TMTC2: variants seen among roughly 807,000 people sequenced by gnomAD.
TMTC2 encodes transmembrane O-mannosyltransferase targeting cadherins 2.
In TMTC2, 43 loss-of-function variants were observed where a neutral mutation model predicts 82.4. The ratio of observed to expected loss-of-function variants is 0.52; its 90% confidence interval spans 0.41 to 0.67. The LOEUF is 0.67. TMTC2 is among the 30% of genes least tolerant of loss of function. The pLI is 0.00. For missense variants in TMTC2, 919 were observed against 1,012.4 expected (o/e 0.91, Z 1.25); for synonymous variants, 408 against 381.9 (o/e 1.07, Z -0.80).
intron 8 of TMTC2, among the ~76,000 whole-genome samples, chr12:83,006,046 C>T (rs147372088): frequency 4.7e-4 from 72 of 152,304 alleles, no homozygotes; most frequent in Non-Finnish European, 9.6e-4. Flanking sequence ...GCAGTCCCCC[C>T]TACCAGCTCA....
chr12:83,101,394 A>G (rs1173049760), intron 11 of TMTC2, among the ~76,000 whole-genome samples: 4 of 152,188 alleles, frequency 2.6e-5, no homozygotes, highest in African/African-American at 9.6e-5. Flanking sequence ...TACATGTCAG[A>G]AAAATCAGAA....
At chr12:82,808,099 G>C (rs1190490157) in intron 1 of TMTC2, among the ~76,000 whole-genome samples, 2 of 151,744 alleles carry the variant, frequency 1.3e-5, no homozygotes, top group Non-Finnish European at 2.9e-5. Context: ...TAAAAAAACT[G>C]TTTAAAAAAC....
chr12:82,741,031 G>C lies in TMTC2; in HGVS notation c.83+53362G>C, dbSNP rs538160179. On this transcript the variant is annotated intron_variant, in intron 1 of 11. Coordinates refer to ENST00000321196, the MANE Select transcript of TMTC2 (RefSeq NM_152588.3). ...CCTCAGCCTTTATTACCTGTCACTTGTATACCCACTATATCAACAAGGGGT... is the reference window on the plus strand; with the variant it reads ...CCTCAGCCTTTATTACCTGTCACTTCTATACCCACTATATCAACAAGGGGT... Among the ~76,000 whole-genome samples, 6 of 152,230 alleles carry C rather than the reference G, an allele frequency of 3.9e-5. No homozygotes were observed. In the South Asian group the frequency reaches 1.2e-3, roughly 32 times the overall value.
intron 11 of TMTC2, among the ~76,000 whole-genome samples, chr12:83,113,690 G>A (rs889861782): frequency 4.6e-5 from 7 of 152,196 alleles, no homozygotes; most frequent in African/African-American, 1.4e-4. Context: ...AAATTATTAT[G>A]TGTGAAGACC....
At chr12:82,756,504 C>T (rs1314216006) in intron 1 of TMTC2, among the ~76,000 whole-genome samples, 1 of 152,220 alleles carries the variant, frequency 6.6e-6, no homozygotes, top group Non-Finnish European at 1.5e-5. Flanking sequence ...GGTATTACTG[C>T]TTCCAGATTT....
At chr12:83,009,099 A>T (rs1170762388) in intron 8 of TMTC2, among the ~76,000 whole-genome samples, 1 of 152,146 alleles carries the variant, frequency 6.6e-6, no homozygotes. Context: ...ATTAGGTGAG[A>T]CAAAGTGAAT....
chr12:82,824,145 C>T (rs1236489673), intron 1 of TMTC2, among the ~76,000 whole-genome samples: 4 of 152,186 alleles, frequency 2.6e-5, no homozygotes, highest in Admixed American at 6.5e-5. Flanking sequence ...CCACCCTCCT[C>T]GGCCTCCCAA....
intron 1 of TMTC2, among the ~76,000 whole-genome samples, chr12:82,704,431 A>C (rs886610377): frequency 5.3e-5 from 8 of 152,318 alleles, no homozygotes; most frequent in African/African-American, 1.9e-4. Flanking sequence ...ATAAAAGTAG[A>C]GTAAATACAT....
intron 9 of TMTC2, among the ~76,000 whole-genome samples, chr12:83,036,480 T>A (rs1018945408): frequency 3.8e-4 from 55 of 143,720 alleles, no homozygotes; most frequent in African/African-American, 1.2e-3. Flanking sequence ...CCCCGAGTCT[T>A]TTTTTTTTTT....
At chr12:83,069,549 A>T (rs117973303) in intron 11 of TMTC2, among the ~76,000 whole-genome samples, 9,314 of 151,546 alleles carry the variant, frequency 0.061, 326 homozygotes, top group East Asian at 0.082. Flanking sequence ...GGATTGTTTG[A>T]TTTTTTCTTA....
chr12:83,025,963 C>T (rs1156730226), intron 8 of TMTC2, among the ~76,000 whole-genome samples: 1 of 152,150 alleles, frequency 6.6e-6, no homozygotes. Flanking sequence ...TGTTCTTATT[C>T]ACCAATGCAG....
At chr12:82,888,374 A>T (rs1452089957) in intron 2 of TMTC2, among the ~76,000 whole-genome samples, 7 of 152,228 alleles carry the variant, frequency 4.6e-5, no homozygotes, top group Non-Finnish European at 1.0e-4. Context: ...TTGATGACAT[A>T]AAGGTGAAAA....
At chr12:83,035,277 G>C (rs1307904800) in intron 9 of TMTC2, among the ~76,000 whole-genome samples, 1 of 152,128 alleles carries the variant, frequency 6.6e-6, no homozygotes, top group African/African-American at 2.4e-5. Context: ...GTTTTGTTCG[G>C]GGGAAGAGAT....
intron 8 of TMTC2, among the ~76,000 whole-genome samples, chr12:83,010,647 C>T (rs1222490422): frequency 6.6e-6 from 1 of 152,286 alleles, no homozygotes; most frequent in Non-Finnish European, 1.5e-5. Context: ...TGCTGTGCAT[C>T]AAGCAACAGG....
At chr12:83,115,948 T>A (rs1157820597) in intron 11 of TMTC2, among the ~76,000 whole-genome samples, 2 of 152,048 alleles carry the variant, frequency 1.3e-5, no homozygotes, top group African/African-American at 4.8e-5. Context: ...CCACCATGCC[T>A]GGCTAATTTT....
At chr12:82,978,679 T>C (rs1021747749) in intron 7 of TMTC2, among the ~76,000 whole-genome samples, 3 of 151,828 alleles carry the variant, frequency 2.0e-5, no homozygotes, top group African/African-American at 4.8e-5. Context: ...TTGCAAGAAA[T>C]GTTCTGTAAA....
At chr12:83,025,755 T>C (rs969810955) in intron 8 of TMTC2, among the ~76,000 whole-genome samples, 1 of 152,174 alleles carries the variant, frequency 6.6e-6, no homozygotes, top group Admixed American at 6.5e-5. Flanking sequence ...TCTTCCTGGG[T>C]CCAGTTTGCT....
At chr12:82,780,668 C>T (rs775756524) in intron 1 of TMTC2, among the ~76,000 whole-genome samples, 1 of 152,016 alleles carries the variant, frequency 6.6e-6, no homozygotes, top group African/African-American at 2.4e-5. Context: ...AAAATGTTTG[C>T]GTCATGAGAA....
rs1300459013 is a variant in TMTC2, at chr12:82,756,124, A to C, written c.83+68455A>C. Among the ~76,000 whole-genome samples the C allele has an allele frequency of 4.6e-5, 7 of 152,086 alleles. No homozygotes were observed. The East Asian group carries it at 1.3e-3, about 29-fold the overall frequency. On this transcript the variant is annotated intron_variant, in intron 1 of 11. Coordinates refer to ENST00000321196, the MANE Select transcript of TMTC2 (RefSeq NM_152588.3). ...TGTAAAACTATCTAATCATAGGTTG[A>C]TTATCTCCTTAGTTTTTATTTGGGT...
Sources: gnomAD v4.1 joint callset for allele counts (sites outside exome capture counted in the v4.1 genomes callset) on GRCh38, gnomAD v4.1.1 for gene constraint, MANE v1.5 for transcripts, NCBI Gene and HGNC (gene_info 2026-07-23, HGNC 2026-07-21) for gene names.